Variants in RARB observed in about 807,000 individuals in gnomAD.
The protein encoded by RARB is retinoic acid receptor beta.
RARB carries 17 observed loss-of-function variants against 51.9 expected under a neutral mutation model. That is an observed-to-expected ratio of 0.33 (90% confidence interval 0.22 to 0.49). RARB has a LOEUF of 0.49. Ranked by LOEUF, RARB falls within the 20% of genes least tolerant of loss-of-function variation. RARB has a pLI of 0.99. For missense variants in RARB, 369 were observed against 550.8 expected, an observed-to-expected ratio of 0.67 and a Z score of 3.30; for synonymous variants, 215 against 195.4, an observed-to-expected ratio of 1.10 and a Z score of -0.84.
At position 25,284,441 on chromosome 3, in the gene RARB, G is replaced by A. The variant is rs115840496; in HGVS notation, c.178+109866G>A. Among the ~76,000 whole-genome samples the A allele has an allele frequency of 2.1e-3, 315 of 151,436 alleles. 1 individual carries two copies. The highest frequency in any genetic ancestry group is 6.7e-3 in the African/African-American group (280 of 41,486). On this transcript the variant is annotated intron_variant, in intron 5 of 11. Transcript: ENST00000383772. ...AAATATTTGAGCAATATTTTTATTT[G>A]AGTAGTATTACTCAAGTGTATTTTT...
At chr3:25,592,266 A>G (rs1701641401) in intron 5 of RARB, among the ~76,000 whole-genome samples, 1 of 152,240 alleles carries the variant, frequency 6.6e-6, no homozygotes, top group Non-Finnish European at 1.5e-5. Flanking sequence ...TGAGGTGGAC[A>G]TTCACAGGAC....
intron 3 of RARB, among the ~76,000 whole-genome samples, chr3:25,070,039 T>C (rs1698738384): frequency 6.6e-6 from 1 of 152,196 alleles, no homozygotes; most frequent in African/African-American, 2.4e-5. Context: ...CCATGCTCTC[T>C]CTGAAACCAG....
At chr3:25,440,364 G>A (rs1349985398) in intron 1 of RARB, among the ~76,000 whole-genome samples, 1 of 151,680 alleles carries the variant, frequency 6.6e-6, no homozygotes, top group South Asian at 2.1e-4. Flanking sequence ...GAGGATAATC[G>A]GAGCCTGGGA....
rs138499471 is a variant in RARB, at chr3:25,156,748, G to A, written c.-279-17371G>A. 2.0e-3 allele frequency among the ~76,000 whole-genome samples: 309 copies of A among 152,198 alleles called. 2 individuals are homozygous for A. Among genetic ancestry groups the A allele is most frequent in the East Asian group, 0.019 (97 of 5,178 alleles). ...TCCAAGGCTGTATTTTGGCCCAGAG[G>A]AATTTTTAGGCTGATTATTTTTTTC... On this transcript the variant is annotated intron_variant, in intron 4 of 11. Coordinates refer to the RARB transcript ENST00000383772.
chr3:25,163,707 C>G (rs1700512920), intron 4 of RARB, among the ~76,000 whole-genome samples: 1 of 151,860 alleles, frequency 6.6e-6, no homozygotes, highest in Admixed American at 6.6e-5. Flanking sequence ...GGACCCCGTT[C>G]CCTCACTCTC....
intron 2 of RARB, among the ~76,000 whole-genome samples, chr3:24,883,502 G>T (rs1038671085): frequency 2.0e-5 from 3 of 151,950 alleles, no homozygotes; most frequent in Admixed American, 2.0e-4. Context: ...GGGCAAAGCA[G>T]GAACACTACT....
Position 25,254,242 on chromosome 3 carries a change from T to C in RARB, c.178+79667T>C, listed in dbSNP as rs372357287. On this transcript the variant is annotated intron_variant, in intron 5 of 11. Transcript: ENST00000383772. ...CTATTATCCGAAAGAGAGCTGTGTG[T>C]TCCTTATGGACTTCAAGATTATTTC... Among the ~76,000 whole-genome samples, 379 of 152,310 alleles carry C rather than the reference T, an allele frequency of 2.5e-3. 1 individual carries two copies. The highest frequency in any genetic ancestry group is 4.4e-3 in the Non-Finnish European group (296 of 68,010).
intron 5 of RARB, among the ~76,000 whole-genome samples, chr3:25,350,447 A>C (rs187659937): frequency 3.3e-5 from 5 of 152,320 alleles, no homozygotes; most frequent in African/African-American, 1.2e-4. Context: ...GTTGGAGTGC[A>C]AGGACATGTG....
chr3:24,903,672 T>C lies in RARB; in HGVS notation c.-380+44920T>C, dbSNP rs550826437. On this transcript the variant is annotated intron_variant, in intron 2 of 11. Coordinates refer to the RARB transcript ENST00000383772. ...TGTCCAATACCCAGCATGGTGTCTT[T>C]AGGGCTTTAAGATCTTGATGTTCAA... 2.2e-4 allele frequency among the ~76,000 whole-genome samples: 33 copies of C among 152,266 alleles called. 1 individual carries two copies. In the South Asian group the frequency reaches 6.0e-3, roughly 28 times the overall value.
rs2125335993 is a variant in RARB at position 25,138,296 on chromosome 3, G to C, written c.-280+6088G>C. On this transcript the variant is annotated intron_variant, in intron 4 of 11. Transcript: ENST00000383772. ...GTTAGCTGTTTATATTTTGCCTCCA[G>C]TCTGTGATACAACCTTTTGAAAGCA... Among the ~76,000 whole-genome samples, 2 of 151,446 alleles carry C rather than the reference G, an allele frequency of 1.3e-5. 1 individual carries two copies. Among genetic ancestry groups the C allele is most frequent in the South Asian group, 4.2e-4 (2 of 4,794 alleles).
chr3:25,214,029 G>C (rs993217791), intron 5 of RARB, among the ~76,000 whole-genome samples: 5 of 152,180 alleles, frequency 3.3e-5, no homozygotes, highest in African/African-American at 1.2e-4. Context: ...CCAAAGCCAT[G>C]CATACAGAGC....
At chr3:25,013,810 AC>A (rs1697448660) in intron 2 of RARB, among the ~76,000 whole-genome samples, 2 of 152,084 alleles carry the variant, frequency 1.3e-5, no homozygotes, top group South Asian at 4.1e-4. Flanking sequence ...TTCTCTCTAT[AC>A]TAACAGATCC....
At chr3:25,008,631 C>G (rs1414937581) in intron 2 of RARB, among the ~76,000 whole-genome samples, 1 of 152,036 alleles carries the variant, frequency 6.6e-6, no homozygotes, top group Non-Finnish European at 1.5e-5. Context: ...TTCTCTAGTA[C>G]CTTGAAACAG....
intron 3 of RARB, among the ~76,000 whole-genome samples, chr3:25,063,801 C>A (rs1053326168): frequency 1.3e-5 from 2 of 151,482 alleles, no homozygotes; most frequent in African/African-American, 4.9e-5. Context: ...TCAGACTCAG[C>A]TTCAAGATAA....
upstream of RARB, among the ~76,000 whole-genome samples, chr3:25,423,625 T>C (rs909628600): frequency 3.9e-5 from 6 of 152,244 alleles, no homozygotes; most frequent in Admixed American, 3.9e-4. Context: ...CTTTTACTTT[T>C]CACTTTATAT....
rs79072102 is a variant in RARB, at chr3:25,512,936, A to G, written c.448+11613A>G. Among the ~76,000 whole-genome samples the G allele has an allele frequency of 1.2e-3, 185 of 152,104 alleles. 4 individuals are homozygous for G. The East Asian group carries it at 0.028, about 23-fold the overall frequency. ...CAAGTATGGAGTTTGGTTTTTATTT[A>G]TATCTTTAATTGTGAGCCTAGTGCC... On this transcript the variant is annotated intron_variant, in intron 3 of 7. Coordinates refer to ENST00000330688, the MANE Select transcript of RARB (RefSeq NM_000965.5).
intron 2 of RARB, among the ~76,000 whole-genome samples, chr3:24,966,931 C>G (rs1696287723): frequency 6.6e-6 from 1 of 152,148 alleles, no homozygotes; most frequent in African/African-American, 2.4e-5. Context: ...CATACATTTT[C>G]ATTTTCCATA....
chr3:25,228,557 C>A (rs934683079), intron 5 of RARB, among the ~76,000 whole-genome samples: 3 of 151,990 alleles, frequency 2.0e-5, no homozygotes, highest in African/African-American at 7.2e-5. Context: ...TCCATATTTT[C>A]TTCCATTTTT....
intron 3 of RARB, among the ~76,000 whole-genome samples, chr3:25,526,023 C>T (rs1253240441): frequency 1.3e-5 from 2 of 152,076 alleles, no homozygotes; most frequent in African/African-American, 4.8e-5. Flanking sequence ...TTAATCTAGG[C>T]AACAAAGAAA....
Sources: allele counts gnomAD v4.1 joint callset (sites outside exome capture counted in the v4.1 genomes callset), GRCh38; gene constraint gnomAD v4.1.1; transcripts MANE v1.5; gene names NCBI Gene and HGNC (gene_info 2026-07-23, HGNC 2026-07-21).